CDH18: variants seen among roughly 807,000 people sequenced by gnomAD.
The protein encoded by CDH18 is cadherin-18.
In CDH18, 31 loss-of-function variants were observed where a neutral mutation model predicts 67.9. The observed-to-expected ratio is 0.46, with a 90% CI of 0.34 to 0.62. CDH18 has a LOEUF of 0.62. Among genes scored for constraint, CDH18 ranks in the 20% least tolerant of loss-of-function variants. The pLI is 0.01. For missense variants in CDH18, 890 were observed against 975.5 expected, an observed-to-expected ratio of 0.91 and a Z score of 1.17; for synonymous variants, 362 against 347.2, an observed-to-expected ratio of 1.04 and a Z score of -0.48.
intron 5 of CDH18, among the ~76,000 whole-genome samples, chr5:19,616,661 G>A (rs1749887173): frequency 6.6e-6 from 1 of 152,166 alleles, no homozygotes; most frequent in Non-Finnish European, 1.5e-5. Context: ...TTAGTAATCT[G>A]AAGTGGGACT....
intron 6 of CDH18, among the ~76,000 whole-genome samples, chr5:19,601,306 G>A (rs1314625031): frequency 6.6e-6 from 1 of 152,078 alleles, no homozygotes; most frequent in East Asian, 1.9e-4. Context: ...GAAATAAAAG[G>A]ATTTTACAAG....
chr5:19,510,031 A>G (rs1252334806), intron 10 of CDH18, among the ~76,000 whole-genome samples: 3 of 152,152 alleles, frequency 2.0e-5, no homozygotes, highest in Non-Finnish European at 4.4e-5. Context: ...TGACATAGCT[A>G]CATGCTGATA....
intron 6 of CDH18, among the ~76,000 whole-genome samples, chr5:19,604,991 G>T (rs191227398): frequency 1.0e-3 from 157 of 151,932 alleles, no homozygotes; most frequent in African/African-American, 3.4e-3. Context: ...TTCTTTGAAG[G>T]TGTGCAAATT....
At chr5:19,948,021 A>G (rs1795438544) in intron 2 of CDH18, among the ~76,000 whole-genome samples, 1 of 152,188 alleles carries the variant, frequency 6.6e-6, no homozygotes, top group Non-Finnish European at 1.5e-5. Context: ...GTACGTAAGC[A>G]TTGAAGATGT....
At chr5:19,865,032 C>T (rs1785334524) in intron 2 of CDH18, among the ~76,000 whole-genome samples, 1 of 152,156 alleles carries the variant, frequency 6.6e-6, no homozygotes, top group Non-Finnish European at 1.5e-5. Context: ...CTCTGCTGCC[C>T]ACAATGACCA....
chr5:19,786,680 C>CA (rs1247224412), intron 3 of CDH18, among the ~76,000 whole-genome samples: 1 of 152,106 alleles, frequency 6.6e-6, no homozygotes, highest in Non-Finnish European at 1.5e-5. Flanking sequence ...ATGTCCTCAC[C>CA]ACACTCTTCA....
At chr5:20,535,117 C>T (rs2126567113) in intron 1 of CDH18, among the ~76,000 whole-genome samples, 1 of 152,178 alleles carries the variant, frequency 6.6e-6, no homozygotes, top group South Asian at 2.1e-4. Flanking sequence ...ATAACAATCA[C>T]TTGGTTATAT....
In CDH18 at chr5:20,386,523, C is replaced by T. The variant is rs1580878741; in HGVS notation, c.-579-131018G>A. 2.6e-5 allele frequency among the ~76,000 whole-genome samples: 4 copies of T among 152,180 alleles called. 1 individual carries two copies. The South Asian group carries it at 8.3e-4, about 32-fold the overall frequency. On this transcript the variant is annotated intron_variant, in intron 1 of 14. Coordinates refer to the CDH18 transcript ENST00000507958. ...TTAGATCAGAGAAGCCATATAATAA[C>T]ATTACTAATATATCCACATACGCCC...
At chr5:20,327,923 TAAAAG>T (rs1304933731) in intron 1 of CDH18, among the ~76,000 whole-genome samples, 5 of 151,840 alleles carry the variant, frequency 3.3e-5, no homozygotes, top group African/African-American at 1.2e-4. Flanking sequence ...AAAGTTGAGA[TAAAAG>T]AAAAAGTCTG....
chr5:20,451,760 A>G (rs928967276), intron 1 of CDH18, among the ~76,000 whole-genome samples: 2 of 152,154 alleles, frequency 1.3e-5, no homozygotes, highest in African/African-American at 4.8e-5. Context: ...CCTATATTTC[A>G]GTGTATCTGA....
At chr5:20,138,779 G>A (rs912856838) in intron 2 of CDH18, among the ~76,000 whole-genome samples, 1 of 152,074 alleles carries the variant, frequency 6.6e-6, no homozygotes, top group East Asian at 1.9e-4. Flanking sequence ...ACCTCTTCAA[G>A]GAGACCTACA....
intron 2 of CDH18, among the ~76,000 whole-genome samples, chr5:19,941,667 G>T (rs549791499): frequency 6.6e-6 from 1 of 152,002 alleles, no homozygotes; most frequent in Admixed American, 6.6e-5. Flanking sequence ...CATACCTGTA[G>T]TCTCAGCTAC....
chr5:19,840,300 A>C (rs973421735), intron 2 of CDH18, among the ~76,000 whole-genome samples: 11 of 151,248 alleles, frequency 7.3e-5, no homozygotes, highest in African/African-American at 2.7e-4. Flanking sequence ...AAAAAAAAAA[A>C]ACAACACGTT....
chr5:20,223,457 A>G (rs991934103), intron 2 of CDH18, among the ~76,000 whole-genome samples: 2 of 152,052 alleles, frequency 1.3e-5, no homozygotes, highest in African/African-American at 2.4e-5. Context: ...GAGACTTTGG[A>G]CTGTGGACTT....
At chr5:20,275,899 G>T (rs1285416716) in intron 1 of CDH18, among the ~76,000 whole-genome samples, 2 of 152,084 alleles carry the variant, frequency 1.3e-5, no homozygotes, top group Non-Finnish European at 2.9e-5. Flanking sequence ...GTGATTTGGG[G>T]ACTTTGCATC....
intron 2 of CDH18, among the ~76,000 whole-genome samples, chr5:20,198,922 GTT>G (rs1739215588): frequency 6.6e-6 from 1 of 152,234 alleles, no homozygotes; most frequent in Non-Finnish European, 1.5e-5. Context: ...TCCACATGGT[GTT>G]GGTCCTGAGA....
At chr5:19,746,808 A>G in intron 4 of CDH18, 134 bp downstream of exon 4, 2 of 715,424 alleles carry the variant, frequency 2.8e-6, no homozygotes, top group East Asian at 2.7e-5. Context: ...CACAAAAAAT[A>G]CTAAAATATT....
chr5:20,187,642 T>C, intron 2 of CDH18, among the ~76,000 whole-genome samples: 1 of 151,944 alleles, frequency 6.6e-6, no homozygotes, highest in East Asian at 1.9e-4. Flanking sequence ...TTGCTAATTT[T>C]GAGCTATTCT....
intron 2 of CDH18, among the ~76,000 whole-genome samples, chr5:19,901,065 A>C (rs1391440570): frequency 1.3e-5 from 2 of 152,164 alleles, no homozygotes; most frequent in East Asian, 3.8e-4. Flanking sequence ...TGGAAAATTA[A>C]ATTGTAACTT....
Sources: gnomAD v4.1 joint callset for allele counts (sites outside exome capture counted in the v4.1 genomes callset) on GRCh38, gnomAD v4.1.1 for gene constraint, MANE v1.5 for transcripts, NCBI Gene and HGNC (gene_info 2026-07-23, HGNC 2026-07-21) for gene names.